DSE: variants seen among roughly 807,000 people sequenced by gnomAD.
DSE encodes dermatan sulfate epimerase, also known as dermatan-sulfate epimerase.
Under a neutral mutation model 84.4 loss-of-function variants are expected in DSE, and 36 were observed. The ratio of observed to expected loss-of-function variants is 0.43; its 90% CI spans 0.33 to 0.56. The LOEUF (loss-of-function observed/expected upper bound fraction) is 0.56, where lower values mean the gene tolerates loss of function less well. Ranked by LOEUF, DSE falls within the 20% of genes least tolerant of loss-of-function variation. The pLI is 0.06. For synonymous variants in DSE, 410 were observed against 430.1 expected (o/e 0.95, Z 0.58); for missense variants, 862 against 1,169.6 (o/e 0.74, Z 3.84).
At chr6:116,311,663 G>C (rs1433730561) in intron 2 of DSE, among the ~76,000 whole-genome samples, 1 of 152,342 alleles carries the variant, frequency 6.6e-6, no homozygotes, top group East Asian at 1.9e-4. Flanking sequence ...AGAACATTGT[G>C]CTCCAACCTC....
intron 2 of DSE, among the ~76,000 whole-genome samples, chr6:116,265,658 C>T (rs1772590294): frequency 6.6e-6 from 1 of 152,090 alleles, no homozygotes. Context: ...CCCCAGGGAA[C>T]CCGAGACCAC....
intron 2 of DSE, chr6:116,278,890 T>C (rs1297916340): frequency 1.2e-6 from 2 of 1,614,012 alleles, no homozygotes; most frequent in Admixed American, 1.7e-5. Context: ...GGTTCTAGGG[T>C]GTCTGAGTTC....
At chr6:116,332,558 T>G (rs1777014979) in intron 2 of DSE, among the ~76,000 whole-genome samples, 1 of 152,162 alleles carries the variant, frequency 6.6e-6, no homozygotes, top group Non-Finnish European at 1.5e-5. Context: ...ATTAGGATAG[T>G]ACAGTATTGG....
intron 2 of DSE, among the ~76,000 whole-genome samples, chr6:116,303,736 T>C (rs1775175380): frequency 6.6e-6 from 1 of 151,900 alleles, no homozygotes; most frequent in African/African-American, 2.4e-5. Flanking sequence ...ATAGATAAAA[T>C]AGCAAAAACC....
chr6:116,379,440 G>A (rs1780099485), intron 1 of DSE, among the ~76,000 whole-genome samples: 1 of 152,052 alleles, frequency 6.6e-6, no homozygotes, highest in Non-Finnish European at 1.5e-5. Flanking sequence ...GGCCCCTTTA[G>A]TTTCCAGATT....
At chr6:116,340,814 G>A (rs1005049270) in intron 2 of DSE, among the ~76,000 whole-genome samples, 1 of 152,142 alleles carries the variant, frequency 6.6e-6, no homozygotes, top group Non-Finnish European at 1.5e-5. Context: ...CAAAGGACAT[G>A]AACTCATCCT....
intron 2 of DSE, chr6:116,259,292 A>G (rs998136506): frequency 1.7e-5 from 9 of 537,520 alleles, no homozygotes; most frequent in Non-Finnish European, 3.0e-5. Context: ...CAGCATGATA[A>G]ATTAGTTAAA....
At chr6:116,389,016 A>G (rs1018166482) in intron 1 of DSE, among the ~76,000 whole-genome samples, 4 of 152,220 alleles carry the variant, frequency 2.6e-5, no homozygotes, top group African/African-American at 4.8e-5. Flanking sequence ...TGCATTGTAC[A>G]TATTTTAAAA....
chr6:116,340,621 T>C (rs1415495434), intron 2 of DSE, among the ~76,000 whole-genome samples: 1 of 152,150 alleles, frequency 6.6e-6, no homozygotes, highest in Non-Finnish European at 1.5e-5. Flanking sequence ...GCATTTCTCC[T>C]AATGCTATCC....
At chr6:116,314,930 C>T (rs1338193144) in intron 2 of DSE, among the ~76,000 whole-genome samples, 1 of 152,196 alleles carries the variant, frequency 6.6e-6, no homozygotes, top group Non-Finnish European at 1.5e-5. Flanking sequence ...TGATGTGTGG[C>T]ACCAGCAAGA....
At chr6:116,364,183 T>G in intron 2 of DSE, among the ~76,000 whole-genome samples, 1 of 152,244 alleles carries the variant, frequency 6.6e-6, no homozygotes, top group East Asian at 1.9e-4. Flanking sequence ...GTTAAACTGT[T>G]GTTGGGTTTT....
At chr6:116,271,927 A>C (rs1323816110) in intron 2 of DSE, among the ~76,000 whole-genome samples, 23 of 152,224 alleles carry the variant, frequency 1.5e-4, no homozygotes, top group Non-Finnish European at 8.8e-5. Flanking sequence ...CACCCAACTC[A>C]AGATATGGAG....
At position 116,354,893 on chromosome 6, in the gene DSE, C is replaced by A. The variant is rs1778495836; in HGVS notation, c.-53-44305C>A. Among the ~76,000 whole-genome samples the A allele has an allele frequency of 2.0e-5, 3 of 151,894 alleles. No individual in the cohort carries two copies. In the South Asian group the frequency reaches 6.2e-4, roughly 32 times the overall value. On this transcript the variant is annotated intron_variant, in intron 2 of 3. Coordinates refer to the DSE transcript ENST00000430252. ...AAATAGTGACAGGTTTTATAAAAAG[C>A]CAATCTGTAATTGGCTTTTTAATGA...
chr6:116,375,959 T>C (rs1779899008), intron 1 of DSE, among the ~76,000 whole-genome samples: 1 of 152,222 alleles, frequency 6.6e-6, no homozygotes, highest in Admixed American at 6.5e-5. Flanking sequence ...ATTAGTGGTA[T>C]ACCTTAAATA....
upstream of DSE, among the ~76,000 whole-genome samples, chr6:116,367,437 T>G (rs1298596864): frequency 6.6e-6 from 1 of 152,220 alleles, no homozygotes; most frequent in Non-Finnish European, 1.5e-5. Context: ...AGATTAAAAT[T>G]TAGTTTAATG....
chr6:116,428,231 AC>A (rs1327949815), intron 3 of DSE, among the ~76,000 whole-genome samples: 15 of 152,164 alleles, frequency 9.9e-5, no homozygotes, highest in African/African-American at 3.6e-4. Context: ...GAAAATTAAA[AC>A]ATCAAAATGC....
intron 2 of DSE, chr6:116,400,365 T>G (rs1455598827): frequency 6.6e-6 from 1 of 152,232 alleles, no homozygotes; most frequent in Admixed American, 6.5e-5. Flanking sequence ...CAGATGTTTT[T>G]ACTCATGCAA....
chr6:116,332,718 AGCC>A (rs1777024561), intron 2 of DSE, among the ~76,000 whole-genome samples: 1 of 152,150 alleles, frequency 6.6e-6, no homozygotes, highest in Non-Finnish European at 1.5e-5. Context: ...TAAAATTAAG[AGCC>A]TCAGTTTATG....
intron 1 of DSE, among the ~76,000 whole-genome samples, chr6:116,394,758 G>A (rs1211783114): frequency 1.3e-5 from 2 of 152,124 alleles, no homozygotes; most frequent in Admixed American, 6.5e-5. Flanking sequence ...TGAATGGGAA[G>A]AAAAAGTGGA....
Sources: gnomAD v4.1 joint callset for allele counts (sites outside exome capture counted in the v4.1 genomes callset) on GRCh38, gnomAD v4.1.1 for gene constraint, MANE v1.5 for transcripts, NCBI Gene and HGNC (gene_info 2026-07-23, HGNC 2026-07-21) for gene names.